The following TRPM6 variants were observed in gnomAD, a reference collection of about 807,000 sequenced individuals.
TRPM6 encodes transient receptor potential cation channel subfamily M member 6.
TRPM6 carries 111 observed loss-of-function variants against 247.6 expected under a neutral mutation model. The ratio of observed to expected loss-of-function variants is 0.45; its 90% CI spans 0.38 to 0.52. TRPM6 has a LOEUF of 0.52. Ranked by LOEUF, TRPM6 falls within the 20% of genes least tolerant of loss-of-function variation. TRPM6 has a pLI of 0.00. For synonymous variants in TRPM6, 892 were observed against 853.8 expected (o/e 1.04, Z -0.78); for missense variants, 2,126 against 2,421.5 (o/e 0.88, Z 2.56).
intron 20 of TRPM6, among the ~76,000 whole-genome samples, chr9:74,788,031 A>T (rs977391705): frequency 3.3e-5 from 5 of 151,858 alleles, no homozygotes; most frequent in African/African-American, 4.8e-5. Flanking sequence ...TTTTTTTTTT[A>T]AAGTAACTCA....
At position 74,851,471 on chromosome 9, in the gene TRPM6, G is replaced by T. The variant is rs563829657; in HGVS notation, c.152+4056C>A. ...TCTAAAATTTATATTAAATCAGCTGGGCACAGTGGTTCACGCCTGTAATCC... is the reference window on the plus strand; with the variant it reads ...TCTAAAATTTATATTAAATCAGCTGTGCACAGTGGTTCACGCCTGTAATCC... On this transcript the variant is annotated intron_variant, in intron 3 of 38. Transcript: ENST00000360774. Among the ~76,000 whole-genome samples the T allele has an allele frequency of 4.6e-5, 7 of 152,132 alleles. No homozygotes were observed. In the South Asian group the frequency reaches 1.4e-3, roughly 31 times the overall value.
intron 6 of TRPM6, among the ~76,000 whole-genome samples, chr9:74,830,743 A>ATTTTTT (rs1564034405): frequency 5.6e-5 from 6 of 106,226 alleles, no homozygotes; most frequent in African/African-American, 1.8e-4. Context: ...TGCCCAGCTA[A>ATTTTTT]TTTTTGTTTT....
At chr9:74,801,321 G>A (rs1449156225) in intron 16 of TRPM6, among the ~76,000 whole-genome samples, 1 of 135,388 alleles carries the variant, frequency 7.4e-6, no homozygotes, top group African/African-American at 2.8e-5. Flanking sequence ...GCAGTGGCAC[G>A]ATCTCAGTTC....
chr9:74,770,513 T>A (rs1291064153), intron 25 of TRPM6, among the ~76,000 whole-genome samples: 1 of 152,180 alleles, frequency 6.6e-6, no homozygotes, highest in African/African-American at 2.4e-5. Flanking sequence ...CTTCCTAATA[T>A]GTTCAGTCTC....
intron 2 of TRPM6, among the ~76,000 whole-genome samples, chr9:74,856,837 G>A (rs1303871665): frequency 1.3e-5 from 2 of 151,882 alleles, no homozygotes; most frequent in Non-Finnish European, 2.9e-5. Context: ...AATTTTACTA[G>A]GATCTAAAAA....
rs1483412551 is a variant in TRPM6 at position 74,744,282 on chromosome 9, T to C, written c.5084-137A>G. The C allele has an allele frequency of 1.3e-5, 12 of 938,752 alleles. No homozygotes were observed. The Admixed American group carries it at 2.2e-4, about 17-fold the overall frequency. The allele number at this position is 938,752 out of a possible 1,614,324, so 58.2% of individuals were successfully genotyped here. On this transcript the variant is annotated intron_variant, in intron 31 of 38. Transcript: ENST00000360774. ...TCAGTATTCGAAAAAGCTTGCCTAATATTTTTTAACCACAGTATTGCGCAT... is the reference window on the plus strand; with the variant it reads ...TCAGTATTCGAAAAAGCTTGCCTAACATTTTTTAACCACAGTATTGCGCAT...
intron 38 of TRPM6, 145 bp from the exon 39 acceptor site, chr9:74,724,891 C>G: frequency 9.3e-7 from 1 of 1,074,948 alleles, no homozygotes; most frequent in Non-Finnish European, 1.4e-6. Flanking sequence ...AAACCCTCAA[C>G]CATGTCTAGA....
rs549599667 is a variant in TRPM6, at chr9:74,816,711, G to A, written c.1266C>T (p.Asp422=). The change falls in exon 11 of 39, where the codon GAC becomes GAT. Residue 422 remains aspartate (D), a synonymous_variant. Transcript: ENST00000360774. Reference sequence around the variant, plus strand: ...AAATTAGGATATGTTTCTTGGCAATGTCCACCCTGTCCCAAGCCATTGCCA... The same window carrying A: ...AAATTAGGATATGTTTCTTGGCAATATCCACCCTGTCCCAAGCCATTGCCA... ...LNLAMAWDRV[D]IAKKHILIYE... 5 of 1,614,108 alleles carry A rather than the reference G, an allele frequency of 3.1e-6. No homozygotes were observed. The African/African-American group carries it at 4.0e-5, about 13-fold the overall frequency.
intron 7 of TRPM6, among the ~76,000 whole-genome samples, chr9:74,824,115 A>G (rs938720199): frequency 6.6e-6 from 1 of 151,362 alleles, no homozygotes; most frequent in African/African-American, 2.4e-5. Context: ...TAATATGGGC[A>G]TTTTTGTGGA....
At chr9:74,839,914 GAGGGAAAGA>G in intron 5 of TRPM6, 101 bp downstream of exon 5, 2 of 723,882 alleles carry the variant, frequency 2.8e-6, no homozygotes, top group South Asian at 1.5e-5. Context: ...GGGAGGGAGG[GAGGGAAAGA>G]AAAGAAAAGA....
chr9:74,851,503 T>C (rs1008682192), intron 3 of TRPM6, among the ~76,000 whole-genome samples: 2 of 151,938 alleles, frequency 1.3e-5, no homozygotes, highest in African/African-American at 4.8e-5. Context: ...ATCCCAGCAC[T>C]TTGGGAGGCT....
intron 15 of TRPM6, among the ~76,000 whole-genome samples, chr9:74,802,535 C>T (rs1341195518): frequency 3.9e-5 from 6 of 152,122 alleles, no homozygotes; most frequent in Admixed American, 3.9e-4. Flanking sequence ...AAAGTAATAA[C>T]CACAGAGCAG....
At chr9:74,831,746 T>C (rs1400466828) in intron 6 of TRPM6, among the ~76,000 whole-genome samples, 4 of 152,338 alleles carry the variant, frequency 2.6e-5, no homozygotes, top group Non-Finnish European at 5.9e-5. Context: ...CAAAGATGTT[T>C]ACATTTATGA....
intron 15 of TRPM6, among the ~76,000 whole-genome samples, chr9:74,803,264 G>A (rs1334576822): frequency 4.6e-5 from 7 of 151,142 alleles, no homozygotes; most frequent in African/African-American, 1.7e-4. Flanking sequence ...GGGACTGGAG[G>A]AGTATGAGAC....
chr9:74,782,934 C>T (rs113688428), intron 21 of TRPM6, 81 bp from the exon 22 acceptor site: 35 of 1,299,978 alleles, frequency 2.7e-5, no homozygotes, highest in African/African-American at 1.9e-4. Flanking sequence ...GCCATCATAA[C>T]TATACCTGCA....
chr9:74,725,737 A>G (rs1261864755), intron 38 of TRPM6, among the ~76,000 whole-genome samples: 2 of 152,334 alleles, frequency 1.3e-5, no homozygotes, highest in East Asian at 3.9e-4. Flanking sequence ...AGGCCTCCCC[A>G]GCCATGTGGA....
chr9:74,759,364 T>C (rs928871479), intron 27 of TRPM6, among the ~76,000 whole-genome samples: 1 of 152,134 alleles, frequency 6.6e-6, no homozygotes, highest in Non-Finnish European at 1.5e-5. Flanking sequence ...TATAAAGTTG[T>C]ATTCAAGATA....
chr9:74,725,629 T>C (rs1825292533), intron 38 of TRPM6, among the ~76,000 whole-genome samples: 1 of 151,874 alleles, frequency 6.6e-6, no homozygotes, highest in Non-Finnish European at 1.5e-5. Flanking sequence ...GATCTGATAG[T>C]TTTAAAAACG....
At chr9:74,790,645 T>C (rs1587508928) in intron 19 of TRPM6, among the ~76,000 whole-genome samples, 1 of 152,214 alleles carries the variant, frequency 6.6e-6, no homozygotes, top group Non-Finnish European at 1.5e-5. Flanking sequence ...CCTAGTATAC[T>C]ATGTCTTAAA....
Sources: allele counts gnomAD v4.1 joint callset (sites outside exome capture counted in the v4.1 genomes callset), GRCh38; gene constraint gnomAD v4.1.1; transcripts MANE v1.5; gene names NCBI Gene and HGNC (gene_info 2026-07-23, HGNC 2026-07-21).